ZNF292: variants seen among roughly 807,000 people sequenced by gnomAD.
ZNF292 encodes the protein zinc finger protein 292.
A neutral mutation model predicts 217.9 loss-of-function variants in ZNF292; 26 were observed. The ratio of observed to expected loss-of-function variants is 0.12; its 90% CI spans 0.09 to 0.17. ZNF292 has a LOEUF of 0.17. ZNF292 is among the 10% of genes least tolerant of loss of function. The pLI, the probability that ZNF292 is intolerant of heterozygous loss-of-function variation, is 1.00. For synonymous variants in ZNF292, 1,257 were observed against 1,124.1 expected (o/e 1.12, Z -2.37); for missense variants, 2,904 against 3,175.2 (o/e 0.91, Z 2.05).
intron 1 of ZNF292, among the ~76,000 whole-genome samples, chr6:87,165,775 T>TG (rs1770891575): frequency 6.6e-6 from 1 of 150,416 alleles, no homozygotes; most frequent in Non-Finnish European, 1.5e-5. Context: ...TTTTTTTTTT[T>TG]GACATAGAGT....
chr6:87,245,702 A>G, intron 7 of ZNF292, 58 bp downstream of exon 7: 3 of 1,110,824 alleles, frequency 2.7e-6, no homozygotes, highest in Non-Finnish European at 3.7e-6. Flanking sequence ...TTAATAAAAG[A>G]CTATAACTTT....
At chr6:87,188,066 G>C (rs1210243878) in intron 1 of ZNF292, among the ~76,000 whole-genome samples, 1 of 152,058 alleles carries the variant, frequency 6.6e-6, no homozygotes, top group African/African-American at 2.4e-5. Flanking sequence ...AAAATATCTG[G>C]GGGAAAAGAC....
Position 87,262,466 on chromosome 6 carries a change from A to G in ZNF292, c.*665A>G, listed in dbSNP as rs556361743. Reference sequence around the variant, plus strand: ...CATCCAGGATTTTGGGGTGGTATTCATGTGAAATTAAAGCAGATTCTCTAG... The same window carrying G: ...CATCCAGGATTTTGGGGTGGTATTCGTGTGAAATTAAAGCAGATTCTCTAG... On this transcript the variant is annotated 3_prime_UTR_variant, in exon 8 of 8. Transcript: ENST00000369577. The G allele has an allele frequency of 4.6e-5, 7 of 151,792 alleles. No individual in the cohort carries two copies. The South Asian group carries it at 1.2e-3, about 27-fold the overall frequency. The allele number at this position is 151,792 out of a possible 1,614,324, so 9.4% of individuals were successfully genotyped here.
At chr6:87,170,799 T>C (rs904233757) in intron 1 of ZNF292, among the ~76,000 whole-genome samples, 7 of 152,234 alleles carry the variant, frequency 4.6e-5, no homozygotes, top group African/African-American at 1.7e-4. Context: ...GTTGGTTTTT[T>C]CACATATTGT....
At chr6:87,211,926 G>A (rs1772505475) in intron 1 of ZNF292, among the ~76,000 whole-genome samples, 1 of 152,012 alleles carries the variant, frequency 6.6e-6, no homozygotes, top group African/African-American at 2.4e-5. Flanking sequence ...TATGTGTATA[G>A]ACATTCATTC....
Position 87,218,669 on chromosome 6 carries a change from G to C in ZNF292, c.476G>C (p.Gly159Ala). Residue 159 changes from glycine (G) to alanine (A), a missense_variant, in exon 4 of 8, where the codon GGG becomes GCG. Gly to Ala is a moderately conservative substitution (Grantham distance 60). Transcript: ENST00000369577. The stretch of plus-strand genomic sequence containing the variant: ...TTAGCTACTCTAGCTCAAGAGACTG[G>C]GGTGTGGAAAAACCCGGTACTGTGC... ...HFLATLAQET[G>A]VWKNPVLCTI... 1 of 1,594,122 alleles carries C rather than the reference G, an allele frequency of 6.3e-7. No homozygotes were observed. The highest frequency in any genetic ancestry group is 8.5e-7 in the Non-Finnish European group (1 of 1,170,224).
intron 1 of ZNF292, among the ~76,000 whole-genome samples, chr6:87,204,227 A>G (rs1772176064): frequency 1.3e-5 from 2 of 152,344 alleles, no homozygotes; most frequent in South Asian, 4.1e-4. Flanking sequence ...TGCAAACTGT[A>G]CTACTACTGT....
intron 4 of ZNF292, among the ~76,000 whole-genome samples, chr6:87,224,933 G>GA (rs546025216): frequency 2.0e-5 from 3 of 151,810 alleles, no homozygotes; most frequent in Admixed American, 6.6e-5. Context: ...GTTTAGCTTT[G>GA]AAAAAAAACT....
At chr6:87,233,972 A>G (rs941181516) in intron 5 of ZNF292, among the ~76,000 whole-genome samples, 4 of 152,194 alleles carry the variant, frequency 2.6e-5, no homozygotes, top group African/African-American at 9.6e-5. Context: ...ATGCACATCT[A>G]TGCTATATAT....
intron 7 of ZNF292, among the ~76,000 whole-genome samples, chr6:87,252,343 G>A (rs948300476): frequency 2.6e-5 from 4 of 151,876 alleles, no homozygotes; most frequent in Non-Finnish European, 5.9e-5. Context: ...GGTAGAGACT[G>A]GGTTTCATCA....
At chr6:87,164,055 G>C (rs979517355) in intron 1 of ZNF292, among the ~76,000 whole-genome samples, 1 of 152,174 alleles carries the variant, frequency 6.6e-6, no homozygotes, top group African/African-American at 2.4e-5. Flanking sequence ...GCCAAGTATC[G>C]TGTATCAGTT....
chr6:87,254,931 T>C lies in ZNF292; in HGVS notation c.1302T>C (p.Leu434=). ...ATTCTTTACGCTGTGAGCTGTTACT[T>C]GTATTGAAAACTCAATGGCCCTTTG... The part of the protein sequence containing the change: ...IPNSLRCELL[L]VLKTQWPFDP... Residue 434 remains leucine, a synonymous_variant, in exon 8 of 8, where the codon CTT becomes CTC. Coordinates refer to ENST00000369577, the MANE Select transcript of ZNF292 (RefSeq NM_015021.3). 6.2e-7 allele frequency: 1 copy of C among 1,613,898 alleles called. No individual in the cohort carries two copies. Among genetic ancestry groups the C allele is most frequent in the Non-Finnish European group, 8.5e-7 (1 of 1,179,862 alleles).
chr6:87,195,506 A>T (rs1156270980), intron 1 of ZNF292, among the ~76,000 whole-genome samples: 2 of 152,152 alleles, frequency 1.3e-5, no homozygotes, highest in East Asian at 3.8e-4. Flanking sequence ...TGCGTGGTGC[A>T]CCTTGAGGTG....
intron 7 of ZNF292, among the ~76,000 whole-genome samples, chr6:87,253,545 A>G (rs886873179): frequency 9.2e-5 from 14 of 152,166 alleles, no homozygotes; most frequent in African/African-American, 3.4e-4. Context: ...TATCATTTTA[A>G]AAATACGTCT....
At position 87,233,485 on chromosome 6, in the gene ZNF292, C is replaced by G. The variant is rs1292558262; in HGVS notation, c.699C>G (p.Val233=). 4 of 1,613,452 alleles carry G rather than the reference C, an allele frequency of 2.5e-6. No homozygotes were observed. Among genetic ancestry groups the G allele is most frequent in the Middle Eastern group, 3.4e-4 (2 of 5,958 alleles). ...IKGSFKQTYL[V]CLCTSSPNGK... is the part of the protein sequence containing the mutation. ...GTAGTTTTAAGCAAACTTACCTTGT[C>G]TGTCTTTGTACATCATCACCAAATG... is the stretch of plus-strand genomic sequence containing the variant. The change falls in exon 5 of 8, where the codon GTC becomes GTG. Residue 233 remains valine, a synonymous_variant. Transcript: ENST00000369577.
At chr6:87,195,181 G>A (rs6454593) in intron 1 of ZNF292, among the ~76,000 whole-genome samples, 82,934 of 152,030 alleles carry the variant, frequency 0.55, 23,187 homozygotes, top group African/African-American at 0.65. Context: ...TTAAGACAAA[G>A]TAAAATGTTG....
intron 1 of ZNF292, among the ~76,000 whole-genome samples, chr6:87,164,957 G>T (rs1770868677): frequency 6.6e-6 from 1 of 151,072 alleles, no homozygotes; most frequent in Non-Finnish European, 1.5e-5. Flanking sequence ...AAGAGATGGG[G>T]TTTCACCATG....
chr6:87,233,966 ACATC>A (rs1773777036), intron 5 of ZNF292, among the ~76,000 whole-genome samples: 2 of 152,214 alleles, frequency 1.3e-5, no homozygotes, highest in African/African-American at 4.8e-5. Context: ...ATATATATGC[ACATC>A]TATGCTATAT....
At chr6:87,183,960 T>G (rs1771553261) in intron 1 of ZNF292, among the ~76,000 whole-genome samples, 1 of 152,178 alleles carries the variant, frequency 6.6e-6, no homozygotes, top group Non-Finnish European at 1.5e-5. Context: ...TCTCAAGAGA[T>G]TTTGTCTTTC....
Sources: allele counts gnomAD v4.1 joint callset (sites outside exome capture counted in the v4.1 genomes callset), GRCh38; gene constraint gnomAD v4.1.1; transcripts MANE v1.5; gene names NCBI Gene and HGNC (gene_info 2026-07-23, HGNC 2026-07-21).